KLHL13: variants seen among roughly 807,000 people sequenced by gnomAD.
The protein encoded by KLHL13 is kelch like family member 13.
Under a neutral mutation model 37.1 loss-of-function variants are expected in KLHL13, and 10 were observed. That is an observed-to-expected ratio of 0.27 (90% CI 0.17 to 0.46). The LOEUF (loss-of-function observed/expected upper bound fraction) is 0.46, where lower values mean the gene tolerates loss of function less well. KLHL13 is among the 20% of genes least tolerant of loss of function. The pLI is 1.00. For missense variants in KLHL13, 360 were observed against 509.3 expected (o/e 0.71, Z 2.82); for synonymous variants, 163 against 181.2 (o/e 0.90, Z 0.81).
At chrX:118,024,906 C>T (rs1047965667) in intron 1 of KLHL13, among the ~76,000 whole-genome samples, 25 of 111,933 alleles carry the variant, frequency 2.2e-4, no homozygotes, top group Admixed American at 1.3e-3. Flanking sequence ...TGCATGTGGC[C>T]AAAATAAATT....
intron 1 of KLHL13, among the ~76,000 whole-genome samples, chrX:118,044,820 G>A (rs777928683): frequency 1.8e-5 from 2 of 111,781 alleles, no homozygotes; most frequent in Non-Finnish European, 3.8e-5. Flanking sequence ...CCAGAATATT[G>A]GTCTAGGCAA....
intron 1 of KLHL13, among the ~76,000 whole-genome samples, chrX:118,025,583 G>A (rs1185784224): frequency 9.0e-6 from 1 of 110,972 alleles, no homozygotes; most frequent in Non-Finnish European, 1.9e-5. Flanking sequence ...TGATACTGGT[G>A]ACTTGGATAT....
At chrX:118,100,401 T>C (rs2055274725) in intron 1 of KLHL13, among the ~76,000 whole-genome samples, 1 of 111,784 alleles carries the variant, frequency 8.9e-6, no homozygotes, top group South Asian at 3.7e-4. Context: ...GCAATACTAA[T>C]ACTATAAGCT....
chrX:118,091,317 C>A lies in KLHL13; in HGVS notation c.-56+25191G>T, dbSNP rs182288018. Reference sequence around the variant, plus strand: ...ATAGATGTTGACAGCAAGATGACAGCGATGTTAGAATTATCTGACAAAGAT... The same window carrying A: ...ATAGATGTTGACAGCAAGATGACAGAGATGTTAGAATTATCTGACAAAGAT... On this transcript the variant is annotated intron_variant, in intron 1 of 6. Transcript: ENST00000371882. Among the ~76,000 whole-genome samples, 54 of 110,968 alleles carry A rather than the reference C, an allele frequency of 4.9e-4. No individual in the cohort carries two copies. The East Asian group carries it at 9.9e-3, about 20-fold the overall frequency.
At chrX:118,113,280 G>A (rs1340519094) in intron 1 of KLHL13, among the ~76,000 whole-genome samples, 3 of 111,835 alleles carry the variant, frequency 2.7e-5, no homozygotes, top group African/African-American at 9.8e-5. Flanking sequence ...GACTGAATGA[G>A]TAGACATTCT....
chrX:117,927,052 CATG>C (rs1932096858), intron 2 of KLHL13, among the ~76,000 whole-genome samples: 2 of 108,170 alleles, frequency 1.8e-5, no homozygotes, highest in East Asian at 2.9e-4. Context: ...ACTATAGGCG[CATG>C]CCGCCACGCC....
intron 1 of KLHL13, among the ~76,000 whole-genome samples, chrX:118,013,233 G>T (rs910318642): frequency 8.1e-5 from 9 of 111,593 alleles, no homozygotes; most frequent in African/African-American, 2.9e-4. Flanking sequence ...AATTAAATTG[G>T]GATGGTGTGA....
intron 1 of KLHL13, among the ~76,000 whole-genome samples, chrX:118,029,149 C>G (rs2430214): frequency 0.028 from 3,156 of 111,298 alleles, 128 homozygotes; most frequent in African/African-American, 0.096. Context: ...AACTGAGAAT[C>G]AGAAGACCTA....
At chrX:118,030,203 G>A (rs1350066057) in intron 1 of KLHL13, among the ~76,000 whole-genome samples, 1 of 111,060 alleles carries the variant, frequency 9.0e-6, no homozygotes, top group African/African-American at 3.3e-5. Flanking sequence ...TCATTTTTCT[G>A]CTTATAATTC....
intron 1 of KLHL13, among the ~76,000 whole-genome samples, chrX:118,005,640 G>A (rs758864710): frequency 1.8e-5 from 2 of 111,436 alleles, no homozygotes; most frequent in Non-Finnish European, 3.8e-5. Context: ...TGCTGGCTTC[G>A]AAGATGGAGG....
upstream of KLHL13, among the ~76,000 whole-genome samples, chrX:118,117,044 T>G (rs938419380): frequency 7.1e-5 from 8 of 112,802 alleles, no homozygotes; most frequent in African/African-American, 1.3e-4. Context: ...GACCGCTAAG[T>G]GGCCCTCACG....
chrX:117,926,141 C>G (rs1217372431), intron 2 of KLHL13, among the ~76,000 whole-genome samples: 2 of 112,047 alleles, frequency 1.8e-5, no homozygotes, highest in Admixed American at 1.9e-4. Context: ...TCCTGAAACT[C>G]TTTAAAATCA....
intron 5 of KLHL13, among the ~76,000 whole-genome samples, chrX:117,908,462 G>C (rs752642637): frequency 1.3e-4 from 14 of 109,519 alleles, no homozygotes; most frequent in African/African-American, 4.0e-4. Flanking sequence ...ATTTATAATA[G>C]AGAATAAAAT....
chrX:117,971,966 G>C (rs766165452), intron 1 of KLHL13, among the ~76,000 whole-genome samples: 1 of 111,700 alleles, frequency 9.0e-6, no homozygotes, highest in Non-Finnish European at 1.9e-5. Flanking sequence ...TACTTTAAAA[G>C]AACATTTTAT....
exon 7 of KLHL13, chrX:117,899,034 A>G (rs763560857): frequency 2.5e-6 from 3 of 1,211,458 alleles, no homozygotes; most frequent in South Asian, 1.8e-5. Context: ...TATGCCATTC[A>G]TCTTTATCTG....
chrX:118,105,892 C>CTTTT (rs754130371), intron 1 of KLHL13, among the ~76,000 whole-genome samples: 7 of 67,058 alleles, frequency 1.0e-4, no homozygotes, highest in Non-Finnish European at 1.6e-4. Flanking sequence ...GTCTAAACAG[C>CTTTT]TTTTTTTTTT....
chrX:117,934,007 C>T (rs1932629320), intron 2 of KLHL13, among the ~76,000 whole-genome samples: 1 of 110,994 alleles, frequency 9.0e-6, no homozygotes, highest in African/African-American at 3.3e-5. Flanking sequence ...TGCTGGGGGC[C>T]ATTATCCCAA....
chrX:118,094,408 G>A (rs772073231), intron 1 of KLHL13, among the ~76,000 whole-genome samples: 3 of 111,453 alleles, frequency 2.7e-5, no homozygotes, highest in East Asian at 2.8e-4. Flanking sequence ...CCAAATCTAC[G>A]TCTGATTGGT....
intron 1 of KLHL13, among the ~76,000 whole-genome samples, chrX:118,051,242 T>C (rs776814043): frequency 1.5e-3 from 160 of 109,149 alleles, no homozygotes; most frequent in Middle Eastern, 4.7e-3. Context: ...GAAAGACATA[T>C]GAAAAATAAA....
Sources: gnomAD v4.1 joint callset for allele counts (sites outside exome capture counted in the v4.1 genomes callset) on GRCh38, gnomAD v4.1.1 for gene constraint, MANE v1.5 for transcripts, NCBI Gene and HGNC (gene_info 2026-07-23, HGNC 2026-07-21) for gene names.